The following LHFPL3 variants were observed in gnomAD, a reference collection of about 807,000 sequenced individuals.
LHFPL3 encodes LHFPL tetraspan subfamily member 3.
LHFPL3 carries 5 observed loss-of-function variants against 19.3 expected under a neutral mutation model. That is an observed-to-expected ratio of 0.26 (90% CI 0.14 to 0.54). The LOEUF is 0.54. LHFPL3 is among the 20% of genes least tolerant of loss of function. The probability of loss-of-function intolerance (pLI) is 0.94; values close to 1 mark genes in which losing one functional copy is unlikely to be tolerated. For synonymous variants in LHFPL3, 133 were observed against 126.2 expected, an observed-to-expected ratio of 1.05 and a Z score of -0.36; for missense variants, 249 against 307.4, an observed-to-expected ratio of 0.81 and a Z score of 1.42.
chr7:104,711,659 A>G (rs1017852917), intron 1 of LHFPL3, among the ~76,000 whole-genome samples: 1 of 152,190 alleles, frequency 6.6e-6, no homozygotes, highest in Admixed American at 6.5e-5. Flanking sequence ...CAGGCAAAAT[A>G]TCAGGACTGC....
Position 104,456,360 on chromosome 7 carries a change from A to G in LHFPL3, c.445+127136A>G, listed in dbSNP as rs144092888. Among the ~76,000 whole-genome samples, 563 of 152,324 alleles carry G rather than the reference A, an allele frequency of 3.7e-3. 5 individuals are homozygous for G. Among genetic ancestry groups the G allele is most frequent in the African/African-American group, 0.013 (557 of 41,582 alleles). The stretch of plus-strand genomic sequence containing the variant: ...TACTGATATATAACTTTTAAAAAAT[A>G]TTTAAGAAACTGAAACAATAGAGAC... On this transcript the variant is annotated intron_variant, in intron 1 of 2. Coordinates refer to ENST00000424859, the MANE Select transcript of LHFPL3 (RefSeq NM_199000.3).
intron 1 of LHFPL3, among the ~76,000 whole-genome samples, chr7:104,367,968 C>G (rs181184459): frequency 5.3e-4 from 81 of 152,328 alleles, no homozygotes; most frequent in African/African-American, 1.9e-3. Flanking sequence ...GCCTTTAGCC[C>G]AGCACTTAGA....
chr7:104,350,527 A>G (rs897945209), intron 1 of LHFPL3, among the ~76,000 whole-genome samples: 2 of 152,226 alleles, frequency 1.3e-5, no homozygotes, highest in Admixed American at 6.5e-5. Context: ...TGAATGGAAG[A>G]TTCATTTATT....
chr7:104,625,447 C>T (rs1290804744), intron 1 of LHFPL3, among the ~76,000 whole-genome samples: 2 of 152,186 alleles, frequency 1.3e-5, no homozygotes, highest in Non-Finnish European at 2.9e-5. Flanking sequence ...CTCATGGGCA[C>T]AAGCCCAGCA....
intron 1 of LHFPL3, among the ~76,000 whole-genome samples, chr7:104,411,115 A>G (rs1350733507): frequency 6.6e-6 from 1 of 152,224 alleles, no homozygotes; most frequent in African/African-American, 2.4e-5. Flanking sequence ...AAAAGATAAT[A>G]TGAGTTTAGT....
At chr7:104,851,600 T>C (rs1264605348) in intron 2 of LHFPL3, among the ~76,000 whole-genome samples, 1 of 152,206 alleles carries the variant, frequency 6.6e-6, no homozygotes, top group African/African-American at 2.4e-5. Context: ...GTTGTGAATA[T>C]AAAGTCCCAA....
At chr7:104,817,205 G>T (rs1192705479) in intron 2 of LHFPL3, among the ~76,000 whole-genome samples, 2 of 152,168 alleles carry the variant, frequency 1.3e-5, no homozygotes, top group African/African-American at 4.8e-5. Flanking sequence ...TTCCCTGAGG[G>T]CAAACCCTGT....
intron 1 of LHFPL3, among the ~76,000 whole-genome samples, chr7:104,542,267 A>G (rs1794499972): frequency 6.6e-6 from 1 of 152,008 alleles, no homozygotes; most frequent in African/African-American, 2.4e-5. Context: ...AAGTGTTTCC[A>G]TTCCTTATTT....
intron 1 of LHFPL3, among the ~76,000 whole-genome samples, chr7:104,448,468 A>T (rs923594100): frequency 9.2e-5 from 14 of 152,212 alleles, no homozygotes; most frequent in Non-Finnish European, 2.1e-4. Context: ...CAGAGCCATT[A>T]CATTGCAGTT....
intron 1 of LHFPL3, among the ~76,000 whole-genome samples, chr7:104,417,117 A>G (rs1031706874): frequency 2.0e-5 from 3 of 152,212 alleles, no homozygotes; most frequent in Non-Finnish European, 4.4e-5. Flanking sequence ...ATATTCCATT[A>G]CGTTGATGTC....
chr7:104,645,536 C>T (rs143903267), intron 1 of LHFPL3, among the ~76,000 whole-genome samples: 5 of 151,388 alleles, frequency 3.3e-5, no homozygotes, highest in South Asian at 4.2e-4. Context: ...AAAGAGAATG[C>T]GAAGTAGTTC....
At chr7:104,329,254 G>C (rs200144720) in intron 1 of LHFPL3, 30 bp downstream of exon 1, 37 of 1,566,190 alleles carry the variant, frequency 2.4e-5, no homozygotes, top group Admixed American at 3.6e-5. Context: ...CGCGGAGGCG[G>C]AGGACCCCGG....
intron 2 of LHFPL3, among the ~76,000 whole-genome samples, chr7:104,900,906 T>C (rs1315539481): frequency 1.3e-5 from 2 of 152,202 alleles, no homozygotes; most frequent in South Asian, 4.1e-4. Flanking sequence ...GAATGACTTA[T>C]TTATTCATTC....
chr7:104,730,371 AG>A (rs1374124901), intron 1 of LHFPL3, among the ~76,000 whole-genome samples: 2 of 152,196 alleles, frequency 1.3e-5, no homozygotes, highest in African/African-American at 4.8e-5. Flanking sequence ...ACAGTGTAAA[AG>A]TGTTCCTATT....
intron 1 of LHFPL3, among the ~76,000 whole-genome samples, chr7:104,435,503 A>T (rs1357068677): frequency 5.3e-5 from 8 of 150,588 alleles, no homozygotes; most frequent in Non-Finnish European, 8.9e-5. Context: ...TTTTATAAAA[A>T]TATTTTTTAT....
At chr7:104,496,491 G>T (rs1159669570) in intron 1 of LHFPL3, among the ~76,000 whole-genome samples, 1 of 152,070 alleles carries the variant, frequency 6.6e-6, no homozygotes, top group Admixed American at 6.5e-5. Context: ...ACCCAGTAAT[G>T]GGATGGCTGG....
At chr7:104,356,215 C>T (rs1046060425) in intron 1 of LHFPL3, among the ~76,000 whole-genome samples, 2 of 152,174 alleles carry the variant, frequency 1.3e-5, no homozygotes, top group Non-Finnish European at 1.5e-5. Flanking sequence ...AAGAACAGAA[C>T]GCAGACTCCA....
intron 1 of LHFPL3, among the ~76,000 whole-genome samples, chr7:104,558,507 C>T (rs1313687445): frequency 6.6e-6 from 1 of 152,042 alleles, no homozygotes; most frequent in South Asian, 2.1e-4. Context: ...ATGTCATTCG[C>T]CCACTTTTTG....
chr7:104,720,729 AT>A (rs1220752326), intron 1 of LHFPL3, among the ~76,000 whole-genome samples: 2 of 152,254 alleles, frequency 1.3e-5, no homozygotes, highest in African/African-American at 4.8e-5. Flanking sequence ...TGGGCGAAGG[AT>A]ATGAGCAGAC....
Sources: allele counts gnomAD v4.1 joint callset (sites outside exome capture counted in the v4.1 genomes callset), GRCh38; gene constraint gnomAD v4.1.1; transcripts MANE v1.5; gene names NCBI Gene and HGNC (gene_info 2026-07-23, HGNC 2026-07-21).